Variants in SEZ6 observed in about 807,000 individuals in gnomAD.
SEZ6 encodes seizure related 6 homolog.
In SEZ6, 53 loss-of-function variants were observed where a neutral mutation model predicts 101.0. The ratio of observed to expected loss-of-function variants is 0.52; its 90% CI spans 0.42 to 0.66. SEZ6 has a LOEUF of 0.66. Ranked by LOEUF, SEZ6 falls within the 30% of genes least tolerant of loss-of-function variation. The pLI, the probability that SEZ6 is intolerant of heterozygous loss-of-function variation, is 0.00. For missense variants in SEZ6, 1,102 were observed against 1,289.4 expected (o/e 0.85, Z 2.23); for synonymous variants, 488 against 512.2 (o/e 0.95, Z 0.64).
At chr17:28,956,954 G>A in intron 13 of SEZ6, 91 bp downstream of exon 13, 1 of 1,411,230 alleles carries the variant, frequency 7.1e-7, no homozygotes, top group South Asian at 1.4e-5. Flanking sequence ...AAGGTGGCAT[G>A]GGCAGGTGGT....
chr17:28,977,727 C>T (rs1007348564), intron 3 of SEZ6, among the ~76,000 whole-genome samples: 1 of 152,102 alleles, frequency 6.6e-6, no homozygotes, highest in African/African-American at 2.4e-5. Flanking sequence ...CAGACAGAGC[C>T]TCCCAGGCCT....
Position 29,005,527 on chromosome 17 carries a change from CG to C in SEZ6, c.55+287del, listed in dbSNP as rs2041676358. On this transcript the variant is annotated intron_variant, in intron 1 of 16. Transcript: ENST00000317338. The surrounding 1 kb of genome is among the most constrained non-coding windows in gnomAD (Gnocchi z 4.8). Reference sequence around the variant, plus strand: ...TAGCGCGCGGGTGAGCGCGTGTGTGCGGGGAGTGGGTGGCGTGATGAATTGC... The same window carrying C: ...TAGCGCGCGGGTGAGCGCGTGTGTGCGGGAGTGGGTGGCGTGATGAATTGC... Among the ~76,000 whole-genome samples, 1 of 152,140 alleles carries C rather than the reference CG, an allele frequency of 6.6e-6. No individual in the cohort carries two copies. The highest frequency in any genetic ancestry group is 1.5e-5 in the Non-Finnish European group (1 of 68,016).
At chr17:28,989,058 G>A (rs2041422230) in intron 1 of SEZ6, among the ~76,000 whole-genome samples, 1 of 152,168 alleles carries the variant, frequency 6.6e-6, no homozygotes, top group African/African-American at 2.4e-5. Flanking sequence ...GGGTCTCACT[G>A]TCACATGGAG....
chr17:28,985,433 G>A (rs563106683), intron 1 of SEZ6, among the ~76,000 whole-genome samples: 37 of 152,336 alleles, frequency 2.4e-4, no homozygotes, highest in African/African-American at 8.4e-4. Context: ...TGGGGCCAGG[G>A]CACAGAGCCA....
intron 5 of SEZ6, among the ~76,000 whole-genome samples, chr17:28,962,160 TTCACTGTGTGC>T (rs1446445551): frequency 6.6e-6 from 1 of 152,228 alleles, no homozygotes; most frequent in African/African-American, 2.4e-5. Flanking sequence ...TCAGGCACAC[TTCACTGTGTGC>T]TCACTATCTT....
At chr17:28,996,969 G>A (rs754631399) in intron 1 of SEZ6, among the ~76,000 whole-genome samples, 2 of 152,148 alleles carry the variant, frequency 1.3e-5, no homozygotes, top group Non-Finnish European at 2.9e-5. Context: ...AGGGTCACCG[G>A]AGGCAGCATC....
chr17:28,998,902 G>T (rs1474911691), intron 1 of SEZ6, among the ~76,000 whole-genome samples: 1 of 152,198 alleles, frequency 6.6e-6, no homozygotes, highest in African/African-American at 2.4e-5. Flanking sequence ...GGCCAGAGTA[G>T]CTGGATCATA....
At chr17:29,006,067 G>T (rs552077839), upstream of SEZ6, 348 of 372,242 alleles carry the variant, frequency 9.3e-4, 2 homozygotes, top group African/African-American at 5.0e-3. Flanking sequence ...GGGGATCGCC[G>T]AGCGGGGCTG....
intron 4 of SEZ6, among the ~76,000 whole-genome samples, chr17:28,965,176 A>G (rs1049709521): frequency 5.9e-5 from 9 of 151,368 alleles, no homozygotes; most frequent in African/African-American, 2.2e-4. Context: ...ACATGGAGAA[A>G]CCCCATCTCT....
At chr17:28,971,698 C>G (rs1314981294) in intron 3 of SEZ6, among the ~76,000 whole-genome samples, 1 of 152,206 alleles carries the variant, frequency 6.6e-6, no homozygotes, top group African/African-American at 2.4e-5. Flanking sequence ...TACATGGGCT[C>G]AAGGTTCCTA....
Position 29,005,770 on chromosome 17 carries a change from C to T in SEZ6, c.55+45G>A. On this transcript the variant is annotated intron_variant, in intron 1 of 16. Coordinates refer to ENST00000317338, the MANE Select transcript of SEZ6 (RefSeq NM_178860.5). This position sits in a 1 kb window ranked among gnomAD's most constrained non-coding sequence, Gnocchi z 4.8. ...GGGTCTCCCTTCCCACCCCTGGGGC[C>T]CCGCTCCCGCCCCCGTCCTGCCGCC... is the stretch of plus-strand genomic sequence containing the variant. The T allele has an allele frequency of 2.0e-6, 3 of 1,470,886 alleles. No homozygotes were observed. Among genetic ancestry groups the T allele is most frequent in the South Asian group, 1.3e-5 (1 of 79,944 alleles). 91.1% of individuals were successfully genotyped at this position (1,470,886 alleles called of 1,614,324 possible).
In SEZ6 at chr17:28,989,379, C is replaced by T. The variant is rs144623041; in HGVS notation, c.56-7340G>A. 2.0e-4 allele frequency among the ~76,000 whole-genome samples: 30 copies of T among 152,236 alleles called. No homozygotes were observed. The East Asian group carries it at 4.4e-3, about 23-fold the overall frequency. The stretch of plus-strand genomic sequence containing the variant: ...TATGAGATGGGAACTTTTATTATCC[C>T]ATTTTGTAGATGAGGACACTGAGAC... On this transcript the variant is annotated intron_variant, in intron 1 of 16. Transcript: ENST00000317338.
intron 1 of SEZ6, among the ~76,000 whole-genome samples, chr17:28,983,877 G>C (rs972086213): frequency 2.6e-5 from 4 of 152,106 alleles, no homozygotes; most frequent in Non-Finnish European, 5.9e-5. Flanking sequence ...AGATTGGCAG[G>C]CATGAGGAAG....
chr17:28,988,668 C>G (rs2041416392), intron 1 of SEZ6, among the ~76,000 whole-genome samples: 1 of 152,250 alleles, frequency 6.6e-6, no homozygotes, highest in South Asian at 2.1e-4. Context: ...TCACCACCCT[C>G]TCTTTCTTGG....
At chr17:28,957,600 C>T (rs1428560798) in intron 11 of SEZ6, 61 bp from the exon 12 acceptor site, 11 of 1,530,978 alleles carry the variant, frequency 7.2e-6, no homozygotes, top group African/African-American at 1.4e-5. Context: ...GGCCAATCCA[C>T]CCTGGCTTTG....
chr17:28,956,663 C>G (rs946954535), intron 14 of SEZ6, 56 bp downstream of exon 14: 10 of 1,549,238 alleles, frequency 6.5e-6, no homozygotes, highest in Admixed American at 5.9e-5. Context: ...GACCTGGGAG[C>G]CGTGAGAACC....
At chr17:29,002,827 C>A (rs1397885057) in intron 1 of SEZ6, among the ~76,000 whole-genome samples, 1 of 152,186 alleles carries the variant, frequency 6.6e-6, no homozygotes, top group Non-Finnish European at 1.5e-5. Flanking sequence ...TTTGTTAACC[C>A]TTGCAGCACT....
At chr17:28,961,182 G>A (rs1490697386) in intron 5 of SEZ6, among the ~76,000 whole-genome samples, 2 of 152,032 alleles carry the variant, frequency 1.3e-5, no homozygotes, top group Admixed American at 6.5e-5. Context: ...GAATCCTGCC[G>A]CCTAACCTTT....
At chr17:28,963,182 G>T (rs1177126604) in intron 5 of SEZ6, among the ~76,000 whole-genome samples, 3 of 151,224 alleles carry the variant, frequency 2.0e-5, no homozygotes, top group African/African-American at 7.3e-5. Context: ...CAAACACTGA[G>T]TCTTCCTTTC....
Sources: allele counts gnomAD v4.1 joint callset (sites outside exome capture counted in the v4.1 genomes callset), GRCh38; gene constraint gnomAD v4.1.1; non-coding constraint Gnocchi (gnomAD v3.1); transcripts MANE v1.5; gene names NCBI Gene and HGNC (gene_info 2026-07-23, HGNC 2026-07-21).